The following CSGALNACT2 variants were observed in gnomAD, a reference collection of about 807,000 sequenced individuals.
CSGALNACT2 encodes the protein chondroitin sulfate N-acetylgalactosaminyltransferase 2.
Under a neutral mutation model 55.3 loss-of-function variants are expected in CSGALNACT2, and 35 were observed. The ratio of observed to expected loss-of-function variants is 0.63; its 90% confidence interval spans 0.48 to 0.84. The LOEUF (loss-of-function observed/expected upper bound fraction) is 0.84. Among genes scored for constraint, CSGALNACT2 ranks in the 40% least tolerant of loss-of-function variants. CSGALNACT2 has a pLI of 0.00. For missense variants in CSGALNACT2, 544 were observed against 657.5 expected (o/e 0.83, Z 1.89); for synonymous variants, 196 against 224.9 (o/e 0.87, Z 1.15).
intron 7 of CSGALNACT2, 93 bp downstream of exon 7, chr10:43,176,125 TAA>T (rs1372883429): frequency 7.1e-6 from 7 of 992,284 alleles, no homozygotes; most frequent in Admixed American, 2.5e-5. Context: ...GTTTTCCTAC[TAA>T]AGTATGAGTG....
At chr10:43,179,218 C>CCCTA (rs1839542128) in intron 7 of CSGALNACT2, among the ~76,000 whole-genome samples, 1 of 149,706 alleles carries the variant, frequency 6.7e-6, no homozygotes, top group African/African-American at 2.4e-5. Flanking sequence ...AATGTCTGGG[C>CCCTA]CCTAACACAG....
chr10:43,176,543 A>G (rs549759967), intron 7 of CSGALNACT2, among the ~76,000 whole-genome samples: 8 of 152,294 alleles, frequency 5.3e-5, no homozygotes, highest in East Asian at 1.9e-4. Context: ...TTAGTCATGC[A>G]TTCCCCTAAG....
intron 7 of CSGALNACT2, among the ~76,000 whole-genome samples, chr10:43,176,553 G>C (rs1839484393): frequency 6.6e-6 from 1 of 152,160 alleles, no homozygotes; most frequent in Admixed American, 6.5e-5. Context: ...ATTCCCCTAA[G>C]CCTAAAGATG....
rs1348296089 is a variant in CSGALNACT2 at position 43,183,938 on chromosome 10, G to A, written c.*396G>A. 8 of 213,416 alleles carry A rather than the reference G, an allele frequency of 3.7e-5. 1 individual carries two copies. Among genetic ancestry groups the A allele is most frequent in the Middle Eastern group, 4.0e-3 (2 of 496 alleles). 13.2% of individuals were successfully genotyped at this position (213,416 alleles called of 1,614,324 possible). A position where few individuals can be genotyped will look rare whatever the true frequency, so the allele number is the denominator to read the frequency against. ...CACATTCTTACAGAGGAGATGGAGCGTTATGAGCATAGTATGTGGATAGGT... is the reference window on the plus strand; with the variant it reads ...CACATTCTTACAGAGGAGATGGAGCATTATGAGCATAGTATGTGGATAGGT... On this transcript the variant is annotated 3_prime_UTR_variant, in exon 8 of 8. Coordinates refer to ENST00000374466, the MANE Select transcript of CSGALNACT2 (RefSeq NM_018590.5).
chr10:43,164,662 C>T (rs572632072), intron 5 of CSGALNACT2, among the ~76,000 whole-genome samples: 1 of 152,110 alleles, frequency 6.6e-6, no homozygotes, highest in Admixed American at 6.5e-5. Context: ...TCCTGGCCAA[C>T]ATGGTGAAAT....
chr10:43,155,020 GA>G lies in CSGALNACT2; in HGVS notation c.-125del, dbSNP rs1838961712. ...CAAGTAGTCATGACTGCTGAAGAAA[GA>G]AAAACTTAAAGCTACGGCAGAATTA... On this transcript the variant is annotated 5_prime_UTR_variant, in exon 2 of 8. An upstream open reading frame in the 5' UTR loses its in-frame stop. Transcript: ENST00000374466. 1 of 776,074 alleles carries G rather than the reference GA, an allele frequency of 1.3e-6. No homozygotes were observed. The highest frequency in any genetic ancestry group is 2.1e-6 in the Non-Finnish European group (1 of 485,840). 48.1% of individuals were successfully genotyped at this position (776,074 alleles called of 1,614,324 possible).
chr10:43,147,202 C>G (rs1179891641), intron 1 of CSGALNACT2, among the ~76,000 whole-genome samples: 1 of 151,686 alleles, frequency 6.6e-6, no homozygotes, highest in South Asian at 2.1e-4. Context: ...GTCTCGATCT[C>G]CTGACCTCGT....
rs1007389106 is a variant in CSGALNACT2 at position 43,169,279 on chromosome 10, CA to C, written c.1254+2183del. 3.9e-5 allele frequency among the ~76,000 whole-genome samples: 6 copies of C among 152,180 alleles called. No homozygotes were observed. In the East Asian group the frequency reaches 1.2e-3, roughly 29 times the overall value. Reference sequence around the variant, plus strand: ...CAATACTTGAAACAAAAGTGAGTAGCAATTAACCAAGACTAACCAAACATTT... The same window carrying C: ...CAATACTTGAAACAAAAGTGAGTAGCATTAACCAAGACTAACCAAACATTT... On this transcript the variant is annotated intron_variant, in intron 6 of 7. Coordinates refer to ENST00000374466, the MANE Select transcript of CSGALNACT2 (RefSeq NM_018590.5).
chr10:43,141,348 G>T lies in CSGALNACT2; in HGVS notation c.-254+2781G>T, dbSNP rs542938448. On this transcript the variant is annotated intron_variant, in intron 1 of 7. Coordinates refer to ENST00000374466, the MANE Select transcript of CSGALNACT2 (RefSeq NM_018590.5). ...TTCTCCTGCCTCAGCCTCCCGAGTAGCTGGGACTACAGGCGCCCGCCACCA... is the reference window on the plus strand; with the variant it reads ...TTCTCCTGCCTCAGCCTCCCGAGTATCTGGGACTACAGGCGCCCGCCACCA... Among the ~76,000 whole-genome samples the T allele has an allele frequency of 1.3e-4, 20 of 152,062 alleles. No homozygotes were observed. In the South Asian group the frequency reaches 2.5e-3, roughly 19 times the overall value.
chr10:43,179,231 A>G (rs1839542387), intron 7 of CSGALNACT2, among the ~76,000 whole-genome samples: 1 of 147,614 alleles, frequency 6.8e-6, no homozygotes, highest in South Asian at 2.1e-4. Context: ...TAACACAGGC[A>G]GTTTTTGTTG....
intron 2 of CSGALNACT2, among the ~76,000 whole-genome samples, chr10:43,157,009 C>T (rs2077014479): frequency 6.6e-6 from 1 of 152,222 alleles, no homozygotes; most frequent in Admixed American, 6.5e-5. Flanking sequence ...TGGAGGCCAT[C>T]AGGGAGGGCA....
At chr10:43,143,862 A>G (rs1838686029) in intron 1 of CSGALNACT2, among the ~76,000 whole-genome samples, 1 of 152,182 alleles carries the variant, frequency 6.6e-6, no homozygotes, top group African/African-American at 2.4e-5. Context: ...TATTTGTTGA[A>G]AAAGTGCTGC....
At position 43,155,144 on chromosome 10, in the gene CSGALNACT2, A is replaced by G. The variant is rs771185486; in HGVS notation, c.-6A>G. ...TATTTTGTTAGGCAAATACACATTA[A>G]TAAGAATGCCTAGAAGAGGACTGAT... is the stretch of plus-strand genomic sequence containing the variant. On this transcript the variant is annotated 5_prime_UTR_variant, in exon 2 of 8. Coordinates refer to ENST00000374466, the MANE Select transcript of CSGALNACT2 (RefSeq NM_018590.5). 5.0e-6 allele frequency: 8 copies of G among 1,606,832 alleles called. No homozygotes were observed. Among genetic ancestry groups the G allele is most frequent in the Non-Finnish European group, 6.0e-6 (7 of 1,174,464 alleles).
chr10:43,146,371 C>G (rs747438155), intron 1 of CSGALNACT2, among the ~76,000 whole-genome samples: 4 of 152,204 alleles, frequency 2.6e-5, no homozygotes, highest in Non-Finnish European at 5.9e-5. Context: ...TAAGACTCAG[C>G]AAGTCAGCCC....
At chr10:43,143,552 G>A (rs1170880225) in intron 1 of CSGALNACT2, among the ~76,000 whole-genome samples, 1 of 148,306 alleles carries the variant, frequency 6.7e-6, no homozygotes, top group Non-Finnish European at 1.5e-5. Context: ...CATAATAAAG[G>A]AATCATAATA....
chr10:43,174,019 T>C (rs1839432898), intron 6 of CSGALNACT2, among the ~76,000 whole-genome samples: 1 of 152,058 alleles, frequency 6.6e-6, no homozygotes, highest in South Asian at 2.1e-4. Flanking sequence ...TAGAGTCTAG[T>C]CTTCATTTTG....
chr10:43,156,695 C>A (rs1247084775), intron 2 of CSGALNACT2, among the ~76,000 whole-genome samples: 1 of 152,222 alleles, frequency 6.6e-6, no homozygotes, highest in Non-Finnish European at 1.5e-5. Flanking sequence ...GTTAGATTCT[C>A]ATAAAGAGCG....
intron 6 of CSGALNACT2, among the ~76,000 whole-genome samples, chr10:43,174,612 C>T (rs957199919): frequency 6.6e-6 from 1 of 152,196 alleles, no homozygotes; most frequent in Non-Finnish European, 1.5e-5. Flanking sequence ...TTGCTGACTT[C>T]TGTGAAGTCT....
At chr10:43,173,457 T>C (rs1839420697) in intron 6 of CSGALNACT2, among the ~76,000 whole-genome samples, 1 of 152,208 alleles carries the variant, frequency 6.6e-6, no homozygotes, top group South Asian at 2.1e-4. Flanking sequence ...CAAGAAAATA[T>C]TAACAATAAG....
Sources: allele counts gnomAD v4.1 joint callset (sites outside exome capture counted in the v4.1 genomes callset), GRCh38; gene constraint gnomAD v4.1.1; transcripts MANE v1.5; gene names NCBI Gene and HGNC (gene_info 2026-07-23, HGNC 2026-07-21).